Variants in IL1RL1 observed in about 807,000 individuals in gnomAD.
IL1RL1 encodes the protein interleukin 1 receptor like 1.
IL1RL1 carries 32 observed loss-of-function variants against 50.9 expected under a neutral mutation model. That is an observed-to-expected ratio of 0.63 (90% CI 0.47 to 0.84). The LOEUF is 0.84. Ranked by LOEUF, IL1RL1 falls within the 40% of genes least tolerant of loss-of-function variation. The pLI is 0.00. For synonymous variants in IL1RL1, 275 were observed against 236.0 expected, an observed-to-expected ratio of 1.17 and a Z score of -1.51; for missense variants, 773 against 662.9, an observed-to-expected ratio of 1.17 and a Z score of -1.82.
At chr2:102,351,104 G>C (rs1000503299) in intron 10 of IL1RL1, among the ~76,000 whole-genome samples, 7 of 152,102 alleles carry the variant, frequency 4.6e-5, no homozygotes, top group Non-Finnish European at 5.9e-5. Context: ...CAATTTTGAG[G>C]GGCAAAGCTT....
In IL1RL1 at chr2:102,338,985, A is replaced by G. The variant is rs770243947; in HGVS notation, c.210A>G (p.Gln70=). The G allele has an allele frequency of 1.1e-5, 17 of 1,613,854 alleles. No homozygotes were observed. Among genetic ancestry groups the G allele is most frequent in the South Asian group, 7.7e-5 (7 of 91,086 alleles). The part of the protein sequence containing the change: ...QERNRVFASG[Q]LLKFLPAAVA... ...GAAATCGTGTGTTTGCCTCAGGCCAACTTCTGAAGTTTCTACCAGCTGCAG... is the reference window on the plus strand; with the variant it reads ...GAAATCGTGTGTTTGCCTCAGGCCAGCTTCTGAAGTTTCTACCAGCTGCAG... Residue 70 remains glutamine (Q), a synonymous_variant, in exon 3 of 11, where the codon CAA becomes CAG. Coordinates refer to ENST00000233954, the MANE Select transcript of IL1RL1 (RefSeq NM_016232.5).
At chr2:102,352,096 C>T, downstream of IL1RL1, 1 of 620,934 alleles carries the variant, frequency 1.6e-6, no homozygotes, top group Non-Finnish European at 2.6e-6. Flanking sequence ...GCAAAATGGC[C>T]AGAAATTTTT....
intron 1 of IL1RL1, among the ~76,000 whole-genome samples, chr2:102,329,538 C>T (rs1315529568): frequency 6.6e-6 from 1 of 152,178 alleles, no homozygotes; most frequent in African/African-American, 2.4e-5. Flanking sequence ...AAACTACCAT[C>T]AGAGTGAACA....
At chr2:102,316,139 T>TA (rs1015827681) in intron 1 of IL1RL1, among the ~76,000 whole-genome samples, 1 of 152,134 alleles carries the variant, frequency 6.6e-6, no homozygotes, top group Non-Finnish European at 1.5e-5. Context: ...GATATTCACA[T>TA]AAAAAAGGAT....
chr2:102,332,445 GCA>G (rs1677202530), intron 1 of IL1RL1, among the ~76,000 whole-genome samples: 1 of 152,128 alleles, frequency 6.6e-6, no homozygotes, highest in African/African-American at 2.4e-5. Context: ...AGTGTGGTAG[GCA>G]CACACAGTGG....
chr2:102,331,661 A>G (rs1008342313), intron 1 of IL1RL1, among the ~76,000 whole-genome samples: 7 of 152,216 alleles, frequency 4.6e-5, no homozygotes, highest in African/African-American at 1.7e-4. Context: ...TTCGGGGTAG[A>G]GATGTAAGAG....
chr2:102,318,055 A>G (rs946267620), intron 1 of IL1RL1, among the ~76,000 whole-genome samples: 2 of 152,196 alleles, frequency 1.3e-5, no homozygotes, highest in African/African-American at 4.8e-5. Flanking sequence ...GAGAGGTGAC[A>G]GACCCCCAGG....
At chr2:102,314,651 T>A (rs963724051) in intron 1 of IL1RL1, among the ~76,000 whole-genome samples, 1 of 152,210 alleles carries the variant, frequency 6.6e-6, no homozygotes, top group Admixed American at 6.5e-5. Context: ...AACAAAGGCT[T>A]CCCTGTCATA....
In IL1RL1 at chr2:102,340,287, G is replaced by A; in HGVS notation, c.447+15G>A. 1 of 1,573,678 alleles carries A rather than the reference G, an allele frequency of 6.4e-7. No individual in the cohort carries two copies. The highest frequency in any genetic ancestry group is 8.6e-7 in the Non-Finnish European group (1 of 1,162,872). The stretch of plus-strand genomic sequence containing the variant: ...AGTGGTTTAAGGTAAGAAGAAATTT[G>A]GAAGGAAATAGATGAAAATTACACA... On this transcript the variant is annotated intron_variant, in intron 4 of 10. Coordinates refer to ENST00000233954, the MANE Select transcript of IL1RL1 (RefSeq NM_016232.5).
At position 102,340,162 on chromosome 2, in the gene IL1RL1, G is replaced by T. The variant is rs1339677841; in HGVS notation, c.337G>T (p.Val113Phe). The T allele has an allele frequency of 6.3e-7, 1 of 1,598,046 alleles. No homozygotes were observed. The highest frequency in any genetic ancestry group is 8.5e-7 in the Non-Finnish European group (1 of 1,172,032). ...ATATAAAAAACAATCAGATTGCAAT[G>T]TTCCAGATTATTTGATGTATTCAAC... ...TIYKKQSDCNVPDYLMYSTVS... is the reference protein window; with the variant it reads ...TIYKKQSDCNFPDYLMYSTVS... The change falls in exon 4 of 11, where the codon GTT becomes TTT. Residue 113 changes from valine to phenylalanine, a missense_variant. Val to Phe is a conservative substitution (Grantham distance 50, BLOSUM62 -1). Coordinates refer to ENST00000233954, the MANE Select transcript of IL1RL1 (RefSeq NM_016232.5).
chr2:102,341,291 A>G (rs1175380259), intron 5 of IL1RL1: 1 of 1,253,890 alleles, frequency 8.0e-7, no homozygotes, highest in East Asian at 6.4e-5. Flanking sequence ...ACTATGGTGT[A>G]CATAAATGTT....
chr2:102,340,743 C>T lies in IL1RL1; in HGVS notation c.525C>T (p.Asp175=), dbSNP rs200131845. The T allele has an allele frequency of 7.6e-5, 122 of 1,597,864 alleles. 2 individuals are homozygous for T. In the Middle Eastern group the frequency reaches 2.0e-3, roughly 26 times the overall value. The change falls in exon 5 of 11, where the codon GAC becomes GAT. Residue 175 remains aspartate, a synonymous_variant. Coordinates refer to ENST00000233954, the MANE Select transcript of IL1RL1 (RefSeq NM_016232.5). The part of the protein sequence containing the change: ...FLVIDNVMTE[D]AGDYTCKFIH... ...TCATTGATAATGTGATGACTGAGGA[C>T]GCAGGTGATTACACCTGTAAATTTA...
chr2:102,332,402 C>A (rs1677200841), intron 1 of IL1RL1, among the ~76,000 whole-genome samples: 1 of 152,094 alleles, frequency 6.6e-6, no homozygotes, highest in South Asian at 2.1e-4. Context: ...AGAAGCAACC[C>A]AGATGCCCAT....
At chr2:102,351,364 CA>C (rs1677924793) in intron 10 of IL1RL1, among the ~76,000 whole-genome samples, 171 bp from the exon 11 acceptor site, 1 of 152,120 alleles carries the variant, frequency 6.6e-6, no homozygotes, top group Non-Finnish European at 1.5e-5. Context: ...GAAAGGAACA[CA>C]AAGAACAAAA....
chr2:102,344,903 T>C, intron 8 of IL1RL1: 1 of 973,580 alleles, frequency 1.0e-6, no homozygotes. Flanking sequence ...AGCAGGATTT[T>C]AATGATATCA....
chr2:102,327,613 C>T (rs1443454656), intron 1 of IL1RL1, among the ~76,000 whole-genome samples: 1 of 151,994 alleles, frequency 6.6e-6, no homozygotes, highest in Non-Finnish European at 1.5e-5. Context: ...GCTAGCAAGA[C>T]TAATAAAGAA....
At chr2:102,334,601 AC>A (rs745924514) in intron 1 of IL1RL1, among the ~76,000 whole-genome samples, 41 of 151,986 alleles carry the variant, frequency 2.7e-4, no homozygotes, top group African/African-American at 8.0e-4. Flanking sequence ...GGGAAAAAAA[AC>A]ATCCATCCCC....
chr2:102,343,310 A>G lies in IL1RL1; in HGVS notation c.865A>G (p.Ile289Val). ...GGCTTGTCTAGACATGGTTTTAAGAATAGCTGACGTGAAGGAAGAGGATTT... is the reference window on the plus strand; with the variant it reads ...GGCTTGTCTAGACATGGTTTTAAGAGTAGCTGACGTGAAGGAAGAGGATTT... ...GLACLDMVLRIADVKEEDLLL... is the reference protein window; with the variant it reads ...GLACLDMVLRVADVKEEDLLL... Residue 289 changes from isoleucine to valine, a missense_variant, in exon 8 of 11, where the codon ATA becomes GTA. Transcript: ENST00000233954. 6.2e-7 allele frequency: 1 copy of G among 1,614,240 alleles called. No individual in the cohort carries two copies. Among genetic ancestry groups the G allele is most frequent in the Non-Finnish European group, 8.5e-7 (1 of 1,180,046 alleles).
At chr2:102,316,298 A>G (rs947270699) in intron 1 of IL1RL1, among the ~76,000 whole-genome samples, 1 of 152,156 alleles carries the variant, frequency 6.6e-6, no homozygotes, top group Non-Finnish European at 1.5e-5. Context: ...TTTACCTTAA[A>G]TCTTTCCATA....
Sources: allele counts gnomAD v4.1 joint callset (sites outside exome capture counted in the v4.1 genomes callset), GRCh38; gene constraint gnomAD v4.1.1; transcripts MANE v1.5; gene names NCBI Gene and HGNC (gene_info 2026-07-23, HGNC 2026-07-21).